Variants in SMOC1 observed in about 807,000 individuals in gnomAD.
SMOC1 encodes SPARC-related modular calcium-binding protein 1.
SMOC1 carries 22 observed loss-of-function variants against 56.3 expected under a neutral mutation model. The ratio of observed to expected loss-of-function variants is 0.39; its 90% CI spans 0.28 to 0.56. The LOEUF is 0.56. Ranked by LOEUF, SMOC1 falls within the 20% of genes least tolerant of loss-of-function variation. The pLI, the probability that SMOC1 is intolerant of heterozygous loss-of-function variation, is 0.61. For missense variants in SMOC1, 509 were observed against 565.4 expected (o/e 0.90, Z 1.01); for synonymous variants, 193 against 215.0 (o/e 0.90, Z 0.89).
rs776028293 is a variant in SMOC1 at position 69,928,618 on chromosome 14, G to A, written c.100-23520G>A. On this transcript the variant is annotated intron_variant, in intron 1 of 11. Transcript: ENST00000361956. ...GCACTACTTTAGAGGTGCTCATTGGGGGGGGGGTCCCTTTTCTGCTTCCCA... is the reference window on the plus strand; with the variant it reads ...GCACTACTTTAGAGGTGCTCATTGGAGGGGGGGTCCCTTTTCTGCTTCCCA... Among the ~76,000 whole-genome samples, 29 of 150,704 alleles carry A rather than the reference G, an allele frequency of 1.9e-4. 1 individual carries two copies. The highest frequency in any genetic ancestry group is 2.1e-4 in the South Asian group (1 of 4,788).
chr14:69,993,189 T>A (rs560218521), intron 6 of SMOC1, among the ~76,000 whole-genome samples: 4 of 151,986 alleles, frequency 2.6e-5, no homozygotes, highest in African/African-American at 7.2e-5. Context: ...TGTAGGGACG[T>A]TGAGAGTTGA....
intron 7 of SMOC1, among the ~76,000 whole-genome samples, chr14:69,994,884 T>C (rs919932359): frequency 1.3e-5 from 2 of 152,142 alleles, no homozygotes; most frequent in African/African-American, 4.8e-5. Context: ...GTCTGATCTT[T>C]TGGTAGGGGG....
intron 7 of SMOC1, among the ~76,000 whole-genome samples, chr14:70,006,461 A>G (rs898398991): frequency 2.0e-5 from 3 of 152,238 alleles, no homozygotes; most frequent in Admixed American, 2.0e-4. Context: ...TAGCATATGC[A>G]TGACCCATAA....
intron 7 of SMOC1, among the ~76,000 whole-genome samples, chr14:69,999,288 G>A (rs1243440005): frequency 6.6e-6 from 1 of 152,022 alleles, no homozygotes; most frequent in Non-Finnish European, 1.5e-5. Context: ...GGGACTTGGG[G>A]TCACTGAGGC....
chr14:69,962,373 C>A (rs2139467049), intron 3 of SMOC1, among the ~76,000 whole-genome samples: 1 of 152,282 alleles, frequency 6.6e-6, no homozygotes, highest in Admixed American at 6.5e-5. Context: ...CCATGTCGGC[C>A]AGGCTGGTCT....
At position 70,030,342 on chromosome 14, in the gene SMOC1, C is replaced by T; in HGVS notation, c.*84C>T. ...ACCTAACCTTCAGCGTTGCCCATGG[C>T]CCTGCCACATCCCGTGTAACATAAG... On this transcript the variant is annotated 3_prime_UTR_variant, in exon 12 of 12. Transcript: ENST00000361956. 1 of 1,537,756 alleles carries T rather than the reference C, an allele frequency of 6.5e-7. No homozygotes were observed. The highest frequency in any genetic ancestry group is 8.9e-7 in the Non-Finnish European group (1 of 1,119,914).
chr14:69,919,852 A>C (rs35494931), intron 1 of SMOC1, among the ~76,000 whole-genome samples: 2 of 151,770 alleles, frequency 1.3e-5, no homozygotes, highest in African/African-American at 4.8e-5. Flanking sequence ...TTGGGTAAAG[A>C]TTATCCAATA....
intron 1 of SMOC1, among the ~76,000 whole-genome samples, chr14:69,944,541 A>G (rs2139422771): frequency 6.6e-6 from 1 of 152,324 alleles, no homozygotes; most frequent in Non-Finnish European, 1.5e-5. Context: ...GAGGCTATAG[A>G]AAAATGAATT....
chr14:69,929,715 G>C (rs557341138), intron 1 of SMOC1, among the ~76,000 whole-genome samples: 2 of 152,130 alleles, frequency 1.3e-5, no homozygotes, highest in Non-Finnish European at 2.9e-5. Flanking sequence ...ATGATCTCCC[G>C]GGGGAAAAGT....
chr14:69,881,100 G>T (rs1395629748), intron 1 of SMOC1, among the ~76,000 whole-genome samples: 1 of 152,228 alleles, frequency 6.6e-6, no homozygotes, highest in Non-Finnish European at 1.5e-5. Context: ...TAGATCCAGG[G>T]CGTGTCATAA....
At chr14:69,933,455 A>G (rs1885218121) in intron 1 of SMOC1, among the ~76,000 whole-genome samples, 1 of 152,118 alleles carries the variant, frequency 6.6e-6, no homozygotes, top group Admixed American at 6.5e-5. Flanking sequence ...ATGGTTCTTT[A>G]TACAGCTGTG....
chr14:69,955,926 C>A (rs547925292), intron 3 of SMOC1, among the ~76,000 whole-genome samples: 3 of 152,094 alleles, frequency 2.0e-5, no homozygotes. Flanking sequence ...TTGTGGCCAT[C>A]GGCTTTTTCT....
chr14:70,023,343 A>G lies in SMOC1; in HGVS notation c.1187A>G (p.Lys396Arg). 1 of 1,614,208 alleles carries G rather than the reference A, an allele frequency of 6.2e-7. No homozygotes were observed. The highest frequency in any genetic ancestry group is 8.5e-7 in the Non-Finnish European group (1 of 1,180,038). ...AAGCGCTACGTGAAGAAGAAAGCCA[A>G]GCCCAAGAAATGTGCCCGGCGTTTC... is the stretch of plus-strand genomic sequence containing the variant. ...PFKRYVKKKA[K>R]PKKCARRFTD... The change falls in exon 11 of 12, where the codon AAG becomes AGG. Residue 396 changes from lysine to arginine, a missense_variant. Physicochemically the swap from Lys to Arg is conservative, Grantham distance 26. Coordinates refer to ENST00000361956, the MANE Select transcript of SMOC1 (RefSeq NM_001034852.3).
intron 1 of SMOC1, among the ~76,000 whole-genome samples, chr14:69,915,126 C>T (rs531827011): frequency 1.6e-3 from 237 of 152,316 alleles, no homozygotes; most frequent in Non-Finnish European, 2.6e-3. Flanking sequence ...CTTCAGCCTC[C>T]CAAAGTGCTG....
At chr14:69,947,087 G>T (rs1339386470) in intron 1 of SMOC1, among the ~76,000 whole-genome samples, 4 of 143,360 alleles carry the variant, frequency 2.8e-5, no homozygotes, top group Non-Finnish European at 6.1e-5. Flanking sequence ...TCTCAGGCCG[G>T]CCTTCCTTCC....
intron 1 of SMOC1, among the ~76,000 whole-genome samples, chr14:69,894,686 AG>A (rs2139310494): frequency 6.6e-6 from 1 of 152,316 alleles, no homozygotes; most frequent in Non-Finnish European, 1.5e-5. Context: ...GTGGATGGTC[AG>A]AGCCCGGAGA....
intron 1 of SMOC1, among the ~76,000 whole-genome samples, chr14:69,884,788 A>G (rs1281992434): frequency 6.6e-6 from 1 of 151,934 alleles, no homozygotes; most frequent in African/African-American, 2.4e-5. Context: ...CCATTGGTCT[A>G]TGTGTCTGTT....
At chr14:69,995,467 T>C (rs1245455631) in intron 7 of SMOC1, among the ~76,000 whole-genome samples, 1 of 152,202 alleles carries the variant, frequency 6.6e-6, no homozygotes, top group African/African-American at 2.4e-5. Context: ...AAGTTGGAGA[T>C]ATGGGATGGT....
intron 1 of SMOC1, among the ~76,000 whole-genome samples, chr14:69,950,934 C>T (rs1882973170): frequency 6.6e-6 from 1 of 152,206 alleles, no homozygotes; most frequent in Non-Finnish European, 1.5e-5. Context: ...TGTGGGTTAA[C>T]TGGGCTCAGC....
Sources: gnomAD v4.1 joint callset for allele counts (sites outside exome capture counted in the v4.1 genomes callset) on GRCh38, gnomAD v4.1.1 for gene constraint, MANE v1.5 for transcripts, NCBI Gene and HGNC (gene_info 2026-07-23, HGNC 2026-07-21) for gene names.